IFT81: variants seen among roughly 807,000 people sequenced by gnomAD.
IFT81 encodes the protein intraflagellar transport 81.
Under a neutral mutation model 102.6 loss-of-function variants are expected in IFT81, and 72 were observed. The observed-to-expected ratio is 0.70, with a 90% confidence interval of 0.58 to 0.85. The LOEUF (loss-of-function observed/expected upper bound fraction) is 0.85. IFT81 is among the 40% of genes least tolerant of loss of function. The pLI is 0.00. For missense variants in IFT81, 723 were observed against 787.3 expected (o/e 0.92, Z 0.98); for synonymous variants, 237 against 242.7 (o/e 0.98, Z 0.22).
chr12:110,154,014 C>T (rs1040069598), intron 10 of IFT81, among the ~76,000 whole-genome samples: 9 of 151,654 alleles, frequency 5.9e-5, no homozygotes, highest in African/African-American at 1.7e-4. Context: ...GACAAAGTCT[C>T]GCTCTGTCAC....
Position 110,136,834 on chromosome 12 carries a change from A to G in IFT81, c.755A>G (p.Gln252Arg), listed in dbSNP as rs201798265. 6.8e-6 allele frequency: 11 copies of G among 1,611,776 alleles called. No homozygotes were observed. Among genetic ancestry groups the G allele is most frequent in the Non-Finnish European group, 9.3e-6 (11 of 1,178,150 alleles). Residue 252 changes from glutamine (Q) to arginine (R), a missense_variant, in exon 8 of 19, where the codon CAA (glutamine) becomes CGA (arginine). Physicochemically the swap from Gln to Arg is conservative, Grantham distance 43. Transcript: ENST00000242591. ...RVQNQLKSMR[Q>R]AAADAKPESL... ...CAAAACCAGCTGAAAAGCATGCGCC[A>G]AGCTGCAGCAGATGCAAAGCCTGAA...
rs1467642208 is a variant in IFT81 at position 110,162,979 on chromosome 12, A to G, written c.1102A>G (p.Lys368Glu). The G allele has an allele frequency of 4.3e-6, 7 of 1,613,950 alleles. No individual in the cohort carries two copies. The highest frequency in any genetic ancestry group is 5.9e-6 in the Non-Finnish European group (7 of 1,179,900). The stretch of plus-strand genomic sequence containing the variant: ...TGAGGAACTTCAGGAGGCCAAGGAG[A>G]AGTTAGCCAGCCTAGAGAGAGAAGC... Reference protein sequence around the residue: ...KAEELQEAKEKLASLEREASV... With the variant: ...KAEELQEAKEELASLEREASV... Residue 368 changes from lysine to glutamate, a missense_variant, in exon 11 of 19, where the codon AAG (lysine) becomes GAG (glutamate). Transcript: ENST00000242591.
chr12:110,133,115 C>T (rs1372651673), intron 5 of IFT81, among the ~76,000 whole-genome samples: 1 of 151,602 alleles, frequency 6.6e-6, no homozygotes, highest in African/African-American at 2.4e-5. Context: ...GGACTACAGG[C>T]ATGCGCCACC....
At chr12:110,153,569 T>C (rs944114131) in intron 10 of IFT81, among the ~76,000 whole-genome samples, 1 of 147,678 alleles carries the variant, frequency 6.8e-6, no homozygotes, top group African/African-American at 2.5e-5. Context: ...TTGGGTGGAA[T>C]TCACCAGTGA....
rs111393612 is a variant in IFT81 at position 110,184,349 on chromosome 12, CA to C, written c.1338+3786del. Among the ~76,000 whole-genome samples the C allele has an allele frequency of 9.0e-3, 1,372 of 151,644 alleles. 4 individuals are homozygous for C. Among genetic ancestry groups the C allele is most frequent in the Non-Finnish European group, 9.5e-3 (642 of 67,856 alleles). On this transcript the variant is annotated intron_variant, in intron 12 of 18. Transcript: ENST00000242591. ...TGGGTGACAGAGCGAGACTCCATCT[CA>C]AAAAAAATAAATAAATAAATTACAA...
chr12:110,207,718 A>G (rs995121984), intron 17 of IFT81, among the ~76,000 whole-genome samples: 2 of 151,718 alleles, frequency 1.3e-5, no homozygotes, highest in African/African-American at 4.8e-5. Context: ...GCCCGCCACC[A>G]CGCCTGGCTA....
chr12:110,167,629 G>T (rs769017516), intron 11 of IFT81, among the ~76,000 whole-genome samples: 1 of 151,878 alleles, frequency 6.6e-6, no homozygotes, highest in Non-Finnish European at 1.5e-5. Flanking sequence ...AAAATATTTT[G>T]ATTGCTGTCA....
intron 11 of IFT81, among the ~76,000 whole-genome samples, chr12:110,179,767 TATATATACACAC>T (rs1346991887): frequency 4.0e-4 from 27 of 66,770 alleles, no homozygotes; most frequent in African/African-American, 1.6e-3. Context: ...TATATATATA[TATATATACACAC>T]ACACACACAC....
chr12:110,138,498 T>C (rs1894648082), intron 8 of IFT81, among the ~76,000 whole-genome samples: 1 of 151,488 alleles, frequency 6.6e-6, no homozygotes, highest in Non-Finnish European at 1.5e-5. Flanking sequence ...AGTGGTGCAA[T>C]CTTAGCTCAC....
At chr12:110,132,767 T>TG in intron 5 of IFT81, 131 bp downstream of exon 5, 1 of 518,052 alleles carries the variant, frequency 1.9e-6, no homozygotes, top group Middle Eastern at 3.5e-4. Flanking sequence ...TTTTACTTTG[T>TG]GGGGGGACCT....
At chr12:110,145,485 C>T (rs1895168880) in intron 9 of IFT81, among the ~76,000 whole-genome samples, 1 of 150,030 alleles carries the variant, frequency 6.7e-6, no homozygotes, top group Non-Finnish European at 1.5e-5. Flanking sequence ...GTTGCCCAGG[C>T]TGGAGTACAG....
chr12:110,191,082 G>A lies in IFT81; in HGVS notation c.1467+34G>A, dbSNP rs746960556. ...ACTTTTATTTAAATTTTCTTTTATT[G>A]TGTAGCTAGAAGGCAGGTGTTTTGT... On this transcript the variant is annotated intron_variant, in intron 13 of 18. Coordinates refer to ENST00000242591, the MANE Select transcript of IFT81 (RefSeq NM_014055.4). 11 of 1,572,186 alleles carry A rather than the reference G, an allele frequency of 7.0e-6. No homozygotes were observed. The African/African-American group carries it at 1.4e-4, about 20-fold the overall frequency.
At chr12:110,207,157 A>G (rs919617817) in intron 17 of IFT81, among the ~76,000 whole-genome samples, 2 of 151,982 alleles carry the variant, frequency 1.3e-5, no homozygotes, top group Admixed American at 1.3e-4. Context: ...CAGCCTCCCA[A>G]GTAGCTGGGA....
intron 8 of IFT81, among the ~76,000 whole-genome samples, chr12:110,138,590 A>G (rs1432573634): frequency 6.6e-6 from 1 of 151,920 alleles, no homozygotes; most frequent in Non-Finnish European, 1.5e-5. Flanking sequence ...GTGCCACCAC[A>G]CCCAGCTAAT....
chr12:110,138,437 T>TC, intron 8 of IFT81, among the ~76,000 whole-genome samples: 1 of 151,994 alleles, frequency 6.6e-6, no homozygotes, highest in East Asian at 1.9e-4. Context: ...TTAATCATTT[T>TC]TTTTTTTTTT....
intron 11 of IFT81, among the ~76,000 whole-genome samples, chr12:110,176,488 G>A (rs980782419): frequency 6.6e-6 from 1 of 152,172 alleles, no homozygotes; most frequent in Non-Finnish European, 1.5e-5. Context: ...TGCTCTGGCC[G>A]CTAATGGAAT....
At chr12:110,178,428 AAAG>A (rs1897140741) in intron 11 of IFT81, among the ~76,000 whole-genome samples, 1 of 151,522 alleles carries the variant, frequency 6.6e-6, no homozygotes, top group Non-Finnish European at 1.5e-5. Flanking sequence ...AAAAAAAAAA[AAAG>A]AAAGAAAGAA....
chr12:110,183,717 C>T (rs1353298274), intron 12 of IFT81, among the ~76,000 whole-genome samples: 2 of 152,196 alleles, frequency 1.3e-5, no homozygotes, highest in African/African-American at 4.8e-5. Context: ...TCCTAGACCT[C>T]CTTGTCCTTG....
In IFT81 at chr12:110,150,118, T is replaced by C. The variant is rs113903270; in HGVS notation, c.1041+3070T>C. ...TGTTTGTTTTCTTTTCTTTTCTTTT[T>C]TTTTTTGAGACAGAGTCTCGCTTTG... is the stretch of plus-strand genomic sequence containing the variant. On this transcript the variant is annotated intron_variant, in intron 10 of 18. Transcript: ENST00000242591. Among the ~76,000 whole-genome samples, 374 of 152,108 alleles carry C rather than the reference T, an allele frequency of 2.5e-3. 4 individuals carry two copies. The highest frequency in any genetic ancestry group is 7.7e-3 in the African/African-American group (319 of 41,534).
Sources: gnomAD v4.1 joint callset for allele counts (sites outside exome capture counted in the v4.1 genomes callset) on GRCh38, gnomAD v4.1.1 for gene constraint, MANE v1.5 for transcripts, NCBI Gene and HGNC (gene_info 2026-07-23, HGNC 2026-07-21) for gene names.